The following TMEM164 variants were observed in gnomAD, a reference collection of about 807,000 sequenced individuals.
TMEM164 encodes transmembrane protein 164, also known as RP13-360B22.2.
Under a neutral mutation model 18.8 loss-of-function variants are expected in TMEM164, and 4 were observed. The ratio of observed to expected loss-of-function variants is 0.21; its 90% CI spans 0.10 to 0.49. The LOEUF (loss-of-function observed/expected upper bound fraction) is 0.49. TMEM164 is among the 20% of genes least tolerant of loss of function. The pLI is 0.98. For missense variants in TMEM164, 108 were observed against 239.9 expected, an observed-to-expected ratio of 0.45 and a Z score of 3.63; for synonymous variants, 86 against 101.7, an observed-to-expected ratio of 0.85 and a Z score of 0.93.
At chrX:110,048,246 C>T (rs1252458573) in intron 2 of TMEM164, among the ~76,000 whole-genome samples, 1 of 112,076 alleles carries the variant, frequency 8.9e-6, no homozygotes, top group Non-Finnish European at 1.9e-5. Flanking sequence ...GCTCTTCCCT[C>T]TGCCTGGAGC....
At chrX:110,169,890 T>C (rs1039993377) in intron 5 of TMEM164, among the ~76,000 whole-genome samples, 2 of 111,108 alleles carry the variant, frequency 1.8e-5, no homozygotes, top group Non-Finnish European at 3.8e-5. Context: ...CATCCCCTAG[T>C]GTCTCTTAGG....
intron 4 of TMEM164, among the ~76,000 whole-genome samples, chrX:110,130,253 C>G (rs1236548670): frequency 8.9e-6 from 1 of 111,990 alleles, no homozygotes; most frequent in Non-Finnish European, 1.9e-5. Context: ...AGGGTCCACT[C>G]TCTACCATAA....
At chrX:110,124,176 A>AGGCAGGCAGGC (rs1556011981) in intron 4 of TMEM164, among the ~76,000 whole-genome samples, 8 of 77,167 alleles carry the variant, frequency 1.0e-4, no homozygotes, top group African/African-American at 3.5e-4. Context: ...GGAAGGAAGG[A>AGGCAGGCAGGC]AGGCAGGAAG....
At chrX:110,090,704 T>C (rs1372711027) in intron 3 of TMEM164, among the ~76,000 whole-genome samples, 2 of 111,786 alleles carry the variant, frequency 1.8e-5, no homozygotes, top group East Asian at 5.6e-4. Flanking sequence ...TGTCCTACTT[T>C]CTTTATTTTT....
At chrX:110,140,926 CA>C (rs886844205) in intron 4 of TMEM164, among the ~76,000 whole-genome samples, 2 of 111,270 alleles carry the variant, frequency 1.8e-5, no homozygotes, top group African/African-American at 6.6e-5. Flanking sequence ...AAAAGAGGGT[CA>C]GGGGAGGCTC....
chrX:110,026,367 G>A (rs1320796548), intron 2 of TMEM164, among the ~76,000 whole-genome samples: 2 of 111,471 alleles, frequency 1.8e-5, no homozygotes, highest in African/African-American at 3.3e-5. Context: ...CTCTGTAGAC[G>A]GCAGAGGGTG....
rs1450465600 is a variant in TMEM164, at chrX:110,173,240, T to C, written c.688-5T>C. ...ACGCTCACTCTACCTCCCTTGTCCC[T>C]GCAGGTCACCGAAGTGAATTTGAAC... is the stretch of plus-strand genomic sequence containing the variant. On this transcript the variant is annotated splice_region_variant and splice_polypyrimidine_tract_variant and intron_variant, in intron 6 of 6. Coordinates refer to ENST00000372068, the MANE Select transcript of TMEM164 (RefSeq NM_032227.4). 1 of 1,210,625 alleles carries C rather than the reference T, an allele frequency of 8.3e-7. No individual in the cohort carries two copies.
At chrX:110,036,621 C>T (rs764092099) in intron 2 of TMEM164, among the ~76,000 whole-genome samples, 7 of 112,327 alleles carry the variant, frequency 6.2e-5, no homozygotes, top group Non-Finnish European at 1.3e-4. Flanking sequence ...GTTTACAGAA[C>T]GGATTGGGAT....
intron 5 of TMEM164, among the ~76,000 whole-genome samples, chrX:110,170,554 T>A (rs2067216803): frequency 9.0e-6 from 1 of 111,604 alleles, no homozygotes; most frequent in Non-Finnish European, 1.9e-5. Context: ...TTCCCCACTC[T>A]GAGTTCCCAC....
chrX:110,042,508 C>T (rs1208597739), intron 2 of TMEM164, among the ~76,000 whole-genome samples: 1 of 111,339 alleles, frequency 9.0e-6, no homozygotes, highest in Non-Finnish European at 1.9e-5. Context: ...TGTTTGAGTC[C>T]TTGTTTTCAG....
intron 3 of TMEM164, among the ~76,000 whole-genome samples, chrX:110,085,336 A>AATAT (rs1556000992): frequency 1.2e-5 from 1 of 80,659 alleles, no homozygotes; most frequent in Admixed American, 1.2e-4. Flanking sequence ...AATTAAAAAA[A>AATAT]ATATATATAT....
At position 110,177,314 on chromosome X, in the gene TMEM164, T is replaced by C. The variant is rs985318628; in HGVS notation, c.*3863T>C. On this transcript the variant is annotated 3_prime_UTR_variant, in exon 7 of 7. Coordinates refer to ENST00000372068, the MANE Select transcript of TMEM164 (RefSeq NM_032227.4). ...GTGAAGAGAATGTGATAGGCTGATC[T>C]GTAATGGTTTCTGTCAGGAGCTTAG... is the stretch of plus-strand genomic sequence containing the variant. The C allele has an allele frequency of 1.8e-5, 2 of 112,752 alleles. No individual in the cohort carries two copies. Among genetic ancestry groups the C allele is most frequent in the African/African-American group, 6.5e-5 (2 of 30,995 alleles). 9.3% of individuals were successfully genotyped at this position (112,752 alleles called of 1,213,427 possible). A position where few individuals can be genotyped will look rare whatever the true frequency, so the allele number is the denominator to read the frequency against.
chrX:110,148,612 G>T lies in TMEM164; in HGVS notation c.586+3736G>T, dbSNP rs887612618. Reference sequence around the variant, plus strand: ...GCAGCCTCAACCTCCTGGCTTACATGGTCCTCCCACCTCAGCCTCCTAAGT... The same window carrying T: ...GCAGCCTCAACCTCCTGGCTTACATTGTCCTCCCACCTCAGCCTCCTAAGT... On this transcript the variant is annotated intron_variant, in intron 5 of 6. Transcript: ENST00000372068. Among the ~76,000 whole-genome samples the T allele has an allele frequency of 2.8e-5, 3 of 107,929 alleles. No homozygotes were observed. The Admixed American group carries it at 3.0e-4, about 11-fold the overall frequency. 93.7% of individuals were successfully genotyped at this position (107,929 alleles called of 115,157 possible). A position where few individuals can be genotyped will look rare whatever the true frequency, so the allele number is the denominator to read the frequency against.
intron 3 of TMEM164, among the ~76,000 whole-genome samples, chrX:110,098,961 T>C (rs1351883976): frequency 5.8e-5 from 6 of 104,024 alleles, no homozygotes. Flanking sequence ...TTTTTTTTTT[T>C]TTTTTTTTTT....
rs147367236 is a variant in TMEM164, at chrX:110,020,968, T to TA, written c.390+16831dup. Among the ~76,000 whole-genome samples, 213 of 43,620 alleles carry TA rather than the reference T, an allele frequency of 4.9e-3. 7 individuals carry two copies. Among genetic ancestry groups the TA allele is most frequent in the Non-Finnish European group, 6.2e-3 (164 of 26,440 alleles). The allele number at this position is 43,620 out of a possible 115,157, so 37.9% of individuals were successfully genotyped here. ...TATGTATGAGAGAAACCCCTTTTTC[T>TA]AAAAAAAAAAAAAAAAAAAAAAAAA... is the stretch of plus-strand genomic sequence containing the variant. On this transcript the variant is annotated intron_variant, in intron 2 of 6. Transcript: ENST00000372068.
chrX:110,006,332 A>G (rs1245474289), intron 2 of TMEM164, among the ~76,000 whole-genome samples: 1 of 111,480 alleles, frequency 9.0e-6, no homozygotes, highest in Non-Finnish European at 1.9e-5. Flanking sequence ...TTGGGAACTC[A>G]TGCAGAGGAT....
At chrX:110,036,138 G>A (rs955953702) in intron 2 of TMEM164, among the ~76,000 whole-genome samples, 1 of 111,986 alleles carries the variant, frequency 8.9e-6, no homozygotes, top group Non-Finnish European at 1.9e-5. Context: ...ATTGTTGAAT[G>A]ATGAATGGGA....
intron 2 of TMEM164, among the ~76,000 whole-genome samples, chrX:110,026,859 CTG>C (rs1934217700): frequency 8.9e-6 from 1 of 111,883 alleles, no homozygotes; most frequent in African/African-American, 3.3e-5. Flanking sequence ...AGAAATGCAG[CTG>C]ATCTTTGTGC....
At chrX:110,069,859 T>C (rs760292728) in intron 3 of TMEM164, among the ~76,000 whole-genome samples, 3 of 111,961 alleles carry the variant, frequency 2.7e-5, no homozygotes, top group South Asian at 7.3e-4. Context: ...CCAGTTGTAT[T>C]GGAATAATAT....
Sources: allele counts gnomAD v4.1 joint callset (sites outside exome capture counted in the v4.1 genomes callset), GRCh38; gene constraint gnomAD v4.1.1; transcripts MANE v1.5; gene names NCBI Gene and HGNC (gene_info 2026-07-23, HGNC 2026-07-21).